CDK5RAP2: variants seen among roughly 807,000 people sequenced by gnomAD.
The protein encoded by CDK5RAP2 is CDK5 regulatory subunit associated protein 2, also known as CDK5 regulatory subunit-associated protein 2.
Under a neutral mutation model 232.9 loss-of-function variants are expected in CDK5RAP2, and 147 were observed. The ratio of observed to expected loss-of-function variants is 0.63; its 90% CI spans 0.55 to 0.72. CDK5RAP2 has a LOEUF of 0.72. CDK5RAP2 is among the 30% of genes least tolerant of loss of function. The pLI is 0.00. For missense variants in CDK5RAP2, 2,195 were observed against 2,231.5 expected (o/e 0.98, Z 0.33); for synonymous variants, 833 against 833.7 (o/e 1.00, Z 0.01).
intron 35 of CDK5RAP2, among the ~76,000 whole-genome samples, chr9:120,396,921 A>C (rs2032517232): frequency 6.6e-6 from 1 of 152,262 alleles, no homozygotes; most frequent in African/African-American, 2.4e-5. Context: ...ATGACGCTGA[A>C]GCAAGTCACT....
At chr9:120,558,990 G>A (rs1266299763) in intron 3 of CDK5RAP2, among the ~76,000 whole-genome samples, 1 of 152,142 alleles carries the variant, frequency 6.6e-6, no homozygotes, top group Non-Finnish European at 1.5e-5. Context: ...TCAACAAATT[G>A]TTAAATGAGT....
chr9:120,470,223 GC>G lies in CDK5RAP2; in HGVS notation c.1859-4del. On this transcript the variant is annotated splice_polypyrimidine_tract_variant and splice_region_variant and intron_variant, in intron 16 of 37. Coordinates refer to ENST00000349780, the MANE Select transcript of CDK5RAP2 (RefSeq NM_018249.6). ...ACTATAAAGTGAAAATGATTCTTCT[GC>G]CCAAAAAAGAAAAAAAAAAGGTGGG... 1.4e-6 allele frequency: 2 copies of G among 1,435,648 alleles called. No individual in the cohort carries two copies. The highest frequency in any genetic ancestry group is 4.1e-5 in the Admixed American group (2 of 48,726). The allele number at this position is 1,435,648 out of a possible 1,614,324, so 88.9% of individuals were successfully genotyped here.
chr9:120,570,185 G>T (rs1179849174), intron 2 of CDK5RAP2, among the ~76,000 whole-genome samples: 1 of 152,180 alleles, frequency 6.6e-6, no homozygotes, highest in Non-Finnish European at 1.5e-5. Flanking sequence ...TAAGGAGTGG[G>T]CAGGGCAGAC....
chr9:120,438,180 C>T (rs1195779705), intron 24 of CDK5RAP2, among the ~76,000 whole-genome samples: 2 of 152,102 alleles, frequency 1.3e-5, no homozygotes, highest in Non-Finnish European at 2.9e-5. Flanking sequence ...ACCTTTTTAC[C>T]GTCATGTGCC....
chr9:120,570,188 G>A (rs148000782), intron 2 of CDK5RAP2, among the ~76,000 whole-genome samples: 1 of 152,292 alleles, frequency 6.6e-6, no homozygotes, highest in Non-Finnish European at 1.5e-5. Context: ...GGAGTGGGCA[G>A]GGCAGACTGT....
rs1161767735 is a variant in CDK5RAP2 at position 120,389,301 on chromosome 9, AG to A, written c.5626-10del. 2.5e-6 allele frequency: 4 copies of A among 1,610,122 alleles called. No homozygotes were observed. Among genetic ancestry groups the A allele is most frequent in the Non-Finnish European group, 3.4e-6 (4 of 1,177,774 alleles). On this transcript the variant is annotated splice_polypyrimidine_tract_variant and intron_variant, in intron 37 of 37. Coordinates refer to ENST00000349780, the MANE Select transcript of CDK5RAP2 (RefSeq NM_018249.6). ...GCTCCCCCAGGCCTAAGCTAGGAAAAGGAAGAAAAAAAAGGAGAATTTTAAG... is the reference window on the plus strand; with the variant it reads ...GCTCCCCCAGGCCTAAGCTAGGAAAAGAAGAAAAAAAAGGAGAATTTTAAG...
At chr9:120,452,567 C>G (rs958557590) in intron 21 of CDK5RAP2, among the ~76,000 whole-genome samples, 2 of 151,792 alleles carry the variant, frequency 1.3e-5, no homozygotes, top group African/African-American at 4.8e-5. Context: ...ACACATCTCC[C>G]TTCTATAGGG....
intron 3 of CDK5RAP2, among the ~76,000 whole-genome samples, chr9:120,561,102 GAACTTGGCTACCCAAA>G (rs1486615543): frequency 6.6e-6 from 1 of 152,024 alleles, no homozygotes; most frequent in African/African-American, 2.4e-5. Flanking sequence ...CAAAAACCAT[GAACTTGGCTACCCAAA>G]GTTCATCTCT....
Position 120,409,320 on chromosome 9 carries a change from C to T in CDK5RAP2, c.4415-4G>A. 1 of 1,577,534 alleles carries T rather than the reference C, an allele frequency of 6.3e-7. No homozygotes were observed. The highest frequency in any genetic ancestry group is 8.6e-7 in the Non-Finnish European group (1 of 1,161,238). Reference sequence around the variant, plus strand: ...TTGTCATTCTCCTTCTGTTTATCTGCAAACATAAAAAGGTGCCACTGAGAA... The same window carrying T: ...TTGTCATTCTCCTTCTGTTTATCTGTAAACATAAAAAGGTGCCACTGAGAA... On this transcript the variant is annotated splice_region_variant and splice_polypyrimidine_tract_variant and intron_variant, in intron 29 of 37. Coordinates refer to ENST00000349780, the MANE Select transcript of CDK5RAP2 (RefSeq NM_018249.6).
At chr9:120,473,987 C>G (rs1256480972) in intron 15 of CDK5RAP2, among the ~76,000 whole-genome samples, 1 of 152,164 alleles carries the variant, frequency 6.6e-6, no homozygotes, top group Non-Finnish European at 1.5e-5. Context: ...CCTTCCTCTT[C>G]CTGGAACTGG....
chr9:120,543,773 G>A (rs746674021), intron 5 of CDK5RAP2, among the ~76,000 whole-genome samples: 3 of 152,154 alleles, frequency 2.0e-5, no homozygotes, highest in Admixed American at 2.0e-4. Context: ...CAGGAGAATC[G>A]CCTGGACCCA....
At chr9:120,472,288 AT>A (rs1160895718) in intron 15 of CDK5RAP2, among the ~76,000 whole-genome samples, 17 of 152,348 alleles carry the variant, frequency 1.1e-4, no homozygotes, top group African/African-American at 4.1e-4. Flanking sequence ...CTATTAGTGG[AT>A]ACTTGGGTCA....
intron 31 of CDK5RAP2, 57 bp downstream of exon 31, chr9:120,408,290 T>G (rs762911756): frequency 6.2e-7 from 1 of 1,608,806 alleles, no homozygotes; most frequent in Non-Finnish European, 8.5e-7. Context: ...CAGCCAGCTG[T>G]CGGGTGGTCT....
At chr9:120,540,202 C>T (rs1055795164) in intron 5 of CDK5RAP2, among the ~76,000 whole-genome samples, 1 of 152,158 alleles carries the variant, frequency 6.6e-6, no homozygotes, top group Admixed American at 6.5e-5. Context: ...TAAACAGTGT[C>T]GGACATGACT....
At chr9:120,574,028 C>T (rs1417361132) in intron 1 of CDK5RAP2, among the ~76,000 whole-genome samples, 5 of 152,116 alleles carry the variant, frequency 3.3e-5, no homozygotes, top group Non-Finnish European at 7.4e-5. Flanking sequence ...GCTAAAACTG[C>T]CCATGAATAA....
At chr9:120,513,928 A>G (rs1006089900) in intron 12 of CDK5RAP2, among the ~76,000 whole-genome samples, 3 of 152,184 alleles carry the variant, frequency 2.0e-5, no homozygotes, top group African/African-American at 7.2e-5. Flanking sequence ...ATGCAAGGCT[A>G]GTGTGTTATG....
chr9:120,435,689 A>T (rs2035542883), intron 25 of CDK5RAP2, among the ~76,000 whole-genome samples: 1 of 152,162 alleles, frequency 6.6e-6, no homozygotes, highest in South Asian at 2.1e-4. Flanking sequence ...GTAAGGACGT[A>T]CTCCCAAAAA....
rs147693474 is a variant in CDK5RAP2 at position 120,400,891 on chromosome 9, C to T, written c.5308-6G>A. 28 of 1,613,932 alleles carry T rather than the reference C, an allele frequency of 1.7e-5. No homozygotes were observed. The highest frequency in any genetic ancestry group is 2.7e-5 in the African/African-American group (2 of 74,884). ...AGTGGTGCTGGGTGTGGACCCTACA[C>T]GGGGGATATGAAGGCTGTTACGTGC... On this transcript the variant is annotated splice_polypyrimidine_tract_variant and splice_region_variant and intron_variant, in intron 34 of 37. Coordinates refer to ENST00000349780, the MANE Select transcript of CDK5RAP2 (RefSeq NM_018249.6).
At position 120,545,778 on chromosome 9, in the gene CDK5RAP2, T is replaced by C. The variant is rs2041817629; in HGVS notation, c.319A>G (p.Lys107Glu). The C allele has an allele frequency of 6.2e-7, 1 of 1,613,246 alleles. No individual in the cohort carries two copies. Among genetic ancestry groups the C allele is most frequent in the Non-Finnish European group, 8.5e-7 (1 of 1,179,358 alleles). ...EHIYKTNIEL[K>E]VEVESLKREL... ...CGCTTCAGACTTTCTACTTCCACCT[T>C]GAGCTCAATGTTCTACAAAACAAGA... Residue 107 changes from lysine to glutamate, a missense_variant, in exon 5 of 38, where the codon AAG becomes GAG. Coordinates refer to ENST00000349780, the MANE Select transcript of CDK5RAP2 (RefSeq NM_018249.6).
Sources: allele counts gnomAD v4.1 joint callset (sites outside exome capture counted in the v4.1 genomes callset), GRCh38; gene constraint gnomAD v4.1.1; transcripts MANE v1.5; gene names NCBI Gene and HGNC (gene_info 2026-07-23, HGNC 2026-07-21).